CACNA1A: variants seen among roughly 807,000 people sequenced by gnomAD.
CACNA1A encodes calcium voltage-gated channel subunit alpha1 A, also known as voltage-dependent P/Q-type calcium channel subunit alpha-1A.
In CACNA1A, 57 loss-of-function variants were observed where a neutral mutation model predicts 262.4. That is an observed-to-expected ratio of 0.22 (90% CI 0.18 to 0.27). The LOEUF (loss-of-function observed/expected upper bound fraction) is 0.27, where lower values mean the gene tolerates loss of function less well. Among genes scored for constraint, CACNA1A ranks in the 10% least tolerant of loss-of-function variants. The probability of loss-of-function intolerance (pLI) is 1.00; values close to 1 mark genes in which losing one functional copy is unlikely to be tolerated. For missense variants in CACNA1A, 2,526 were observed against 3,562.8 expected, an observed-to-expected ratio of 0.71 and a Z score of 7.41; for synonymous variants, 1,431 against 1,419.3, an observed-to-expected ratio of 1.01 and a Z score of -0.18.
intron 2 of CACNA1A, among the ~76,000 whole-genome samples, chr19:13,453,498 G>A (rs983877311): frequency 4.6e-5 from 7 of 152,202 alleles, no homozygotes; most frequent in East Asian, 1.9e-4. Context: ...CACATGCAGC[G>A]TTCAAGGTAT....
intron 10 of CACNA1A, among the ~76,000 whole-genome samples, chr19:13,318,457 G>A (rs1278113863): frequency 6.6e-6 from 1 of 152,144 alleles, no homozygotes; most frequent in African/African-American, 2.4e-5. Flanking sequence ...TACCCTGAGT[G>A]AGGGGGGAGC....
Position 13,241,155 on chromosome 19 carries a change from T to G in CACNA1A, c.4950+4027A>C, listed in dbSNP as rs1301159900. Among the ~76,000 whole-genome samples, 1 of 151,898 alleles carries G rather than the reference T, an allele frequency of 6.6e-6. No homozygotes were observed. Among genetic ancestry groups the G allele is most frequent in the Non-Finnish European group, 1.5e-5 (1 of 67,970 alleles). ...GGAGCTGAATGGGGGACAGGAGTGG[T>G]GAGAGGTGGCTGGGAGTGGATTTGC... On this transcript the variant is annotated intron_variant, in intron 31 of 46. Transcript: ENST00000360228. This position sits in a 1 kb window ranked among gnomAD's most constrained non-coding sequence, Gnocchi z 4.0.
intron 1 of CACNA1A, among the ~76,000 whole-genome samples, chr19:13,501,468 C>G (rs774187517): frequency 6.6e-5 from 10 of 152,052 alleles, no homozygotes; most frequent in Non-Finnish European, 1.2e-4. Flanking sequence ...ACCACCAGAC[C>G]CGGCCCCTAT....
chr19:13,444,253 G>C (rs1190799454), intron 3 of CACNA1A, among the ~76,000 whole-genome samples: 1 of 152,242 alleles, frequency 6.6e-6, no homozygotes, highest in Non-Finnish European at 1.5e-5. Context: ...CCATGGAGGG[G>C]AGAAACTACT....
chr19:13,408,596 G>A (rs2060054567), intron 3 of CACNA1A, among the ~76,000 whole-genome samples: 1 of 152,172 alleles, frequency 6.6e-6, no homozygotes, highest in Non-Finnish European at 1.5e-5. Context: ...GGGGTGCTAG[G>A]GCCATTCTTT....
intron 5 of CACNA1A, among the ~76,000 whole-genome samples, chr19:13,360,265 G>GTGTATATATATA (rs941666561): frequency 3.2e-5 from 4 of 124,226 alleles, no homozygotes; most frequent in South Asian, 5.1e-4. Flanking sequence ...GTGTGTGTGT[G>GTGTATATATATA]TATATATATA....
intron 14 of CACNA1A, 126 bp downstream of exon 14, chr19:13,307,994 C>A (rs761605846): frequency 3.1e-5 from 44 of 1,409,202 alleles, no homozygotes; most frequent in Middle Eastern, 1.8e-4. Flanking sequence ...CAGGGCCCTG[C>A]CCATTTGGGT....
Position 13,207,811 on chromosome 19 carries a change from G to A in CACNA1A, c.7023C>T (p.Tyr2341=), listed in dbSNP as rs2054620765. The A allele has an allele frequency of 2.8e-6, 4 of 1,452,170 alleles. No homozygotes were observed. The East Asian group carries it at 8.7e-5, about 32-fold the overall frequency. The allele number at this position is 1,452,170 out of a possible 1,614,324, so 90.0% of individuals were successfully genotyped here. Residue 2341 remains tyrosine (Y), a synonymous_variant, in exon 47 of 47, where the codon TAC becomes TAT. Coordinates refer to ENST00000360228, the MANE Select transcript of CACNA1A (RefSeq NM_001127222.2). The surrounding 1 kb of genome is among the most constrained non-coding windows in gnomAD (Gnocchi z 5.7). ...GRAATSGPRR[Y]PGPTAEPLAG... ...CCAGAGGCTCGGCCGTGGGGCCTGG[G>A]TACCTCCGAGGGCCGCTGGTGGCCG...
chr19:13,368,760 C>T lies in CACNA1A; in HGVS notation c.631+2928G>A, dbSNP rs1054819425. 1.6e-5 allele frequency among the ~76,000 whole-genome samples: 2 copies of T among 128,910 alleles called. 1 individual carries two copies. The highest frequency in any genetic ancestry group is 1.5e-4 in the Admixed American group (2 of 13,244). The allele number at this position is 128,910 out of a possible 152,430, so 84.6% of individuals were successfully genotyped here. A position where few individuals can be genotyped will look rare whatever the true frequency, so the allele number is the denominator to read the frequency against. ...TTAAAAATGTAATGTGGGTGCTGGC[C>T]GGGCGCGGTGGCTCACGCCTGTAAT... On this transcript the variant is annotated intron_variant, in intron 4 of 46. Transcript: ENST00000360228.
chr19:13,214,546 T>C lies in CACNA1A; in HGVS notation c.5794A>G (p.Asn1932Asp), dbSNP rs2054929774. The C allele has an allele frequency of 6.2e-7, 1 of 1,614,038 alleles. No homozygotes were observed. Among genetic ancestry groups the C allele is most frequent in the Middle Eastern group, 1.6e-4 (1 of 6,062 alleles). The change falls in exon 39 of 47, where the codon AAT becomes GAT. Residue 1932 changes from asparagine to aspartate, a missense_variant. Around this residue, in one of 17 missense-constraint regions of CACNA1A, gnomAD observed 112 missense variants for 197.2 expected, o/e 0.57. Transcript: ENST00000360228. This position sits in a 1 kb window ranked among gnomAD's most constrained non-coding sequence, Gnocchi z 4.1. ...LRKEMMAIWP[N>D]LSQKTLDLLV... ...AGGTCTAGCGTCTTCTGGGACAGATTGGGCCAAATCGCCATCATCTCCTTC... is the reference window on the plus strand; with the variant it reads ...AGGTCTAGCGTCTTCTGGGACAGATCGGGCCAAATCGCCATCATCTCCTTC...
chr19:13,375,819 A>T, intron 3 of CACNA1A, among the ~76,000 whole-genome samples: 1 of 152,018 alleles, frequency 6.6e-6, no homozygotes, highest in East Asian at 1.9e-4. Flanking sequence ...ACAAAAGGCC[A>T]TAAGCTAGAG....
chr19:13,380,924 C>G (rs921794651), intron 3 of CACNA1A, among the ~76,000 whole-genome samples: 1 of 151,862 alleles, frequency 6.6e-6, no homozygotes, highest in Non-Finnish European at 1.5e-5. Context: ...CAGGTGGGAG[C>G]CACCAAGCCC....
intron 22 of CACNA1A, among the ~76,000 whole-genome samples, chr19:13,281,379 TAAA>T (rs753890670): frequency 3.9e-5 from 4 of 102,804 alleles, no homozygotes; most frequent in Non-Finnish European, 3.9e-5. Flanking sequence ...CATTGTCTCT[TAAA>T]AAAAAAAAAA....
At chr19:13,221,543 A>G (rs774409547) in intron 38 of CACNA1A, among the ~76,000 whole-genome samples, 36 of 151,540 alleles carry the variant, frequency 2.4e-4, no homozygotes, top group Non-Finnish European at 4.4e-4. Context: ...TCTTCTGGCA[A>G]TTGTGCGCCT....
In CACNA1A at chr19:13,299,144, T is replaced by G; in HGVS notation, c.2489A>C (p.Asn830Thr). The G allele has an allele frequency of 6.2e-7, 1 of 1,613,258 alleles. No individual in the cohort carries two copies. The highest frequency in any genetic ancestry group is 8.5e-7 in the Non-Finnish European group (1 of 1,179,854). The change falls in exon 19 of 47, where the codon AAC becomes ACC. Residue 830 changes from asparagine (N) to threonine (T), a missense_variant. Asn to Thr is a moderately conservative substitution (Grantham distance 65). Coordinates refer to ENST00000360228, the MANE Select transcript of CACNA1A (RefSeq NM_001127222.2). ...DRPLVVDPQENRNNNTNKSRA... is the reference protein window; with the variant it reads ...DRPLVVDPQETRNNNTNKSRA... ...GCTCTTGTTGGTGTTGTTGTTGCGGTTCTCCTGCGGGTCCACCACCAGCGG... is the reference window on the plus strand; with the variant it reads ...GCTCTTGTTGGTGTTGTTGTTGCGGGTCTCCTGCGGGTCCACCACCAGCGG...
At chr19:13,255,522 G>A (rs1388993821) in intron 28 of CACNA1A, among the ~76,000 whole-genome samples, 1 of 152,020 alleles carries the variant, frequency 6.6e-6, no homozygotes, top group Non-Finnish European at 1.5e-5. Context: ...ATACAAACAT[G>A]GGAAGTGGGT....
chr19:13,263,645 C>T (rs1485018861), intron 24 of CACNA1A: 3 of 152,388 alleles, frequency 2.0e-5, no homozygotes, highest in Non-Finnish European at 4.4e-5. Flanking sequence ...TCAGCCTCTC[C>T]AAGTAGCTGG....
intron 3 of CACNA1A, among the ~76,000 whole-genome samples, chr19:13,383,867 G>A (rs772380929): frequency 6.6e-6 from 1 of 152,080 alleles, no homozygotes; most frequent in Non-Finnish European, 1.5e-5. Context: ...CCAGGCTGGC[G>A]TGCAGTGCAC....
intron 25 of CACNA1A, 143 bp from the exon 26 acceptor site, chr19:13,261,753 C>T (rs1468460209): frequency 5.5e-6 from 4 of 733,128 alleles, no homozygotes; most frequent in East Asian, 2.7e-5. Flanking sequence ...AGGGTAAGGT[C>T]CCCCCAGCTT....
Sources: gnomAD v4.1 joint callset for allele counts (sites outside exome capture counted in the v4.1 genomes callset) on GRCh38, gnomAD v4.1.1 for gene constraint, gnomAD v4.1.1 regional missense constraint, Gnocchi (gnomAD v3.1) non-coding constraint, MANE v1.5 for transcripts, NCBI Gene and HGNC (gene_info 2026-07-23, HGNC 2026-07-21) for gene names.